Variants in RPS27L observed in about 807,000 individuals in gnomAD.
The protein encoded by RPS27L is ribosomal protein eS27-like.
A neutral mutation model predicts 12.8 loss-of-function variants in RPS27L; 10 were observed. That is an observed-to-expected ratio of 0.78 (90% CI 0.48 to 1.33). The LOEUF (loss-of-function observed/expected upper bound fraction) is 1.33, where lower values mean the gene tolerates loss of function less well. RPS27L is among the 40% of genes most tolerant of loss of function. The pLI is 0.00. For missense variants in RPS27L, 81 were observed against 97.4 expected, an observed-to-expected ratio of 0.83 and a Z score of 0.71; for synonymous variants, 26 against 32.3, an observed-to-expected ratio of 0.81 and a Z score of 0.66.
chr15:63,154,361 T>C (rs922505442), intron 3 of RPS27L: 11 of 308,664 alleles, frequency 3.6e-5, no homozygotes, highest in Non-Finnish European at 5.3e-5. Context: ...TCAGAAGATA[T>C]ACTCTTAATT....
chr15:63,154,103 C>A, intron 3 of RPS27L, 43 bp from the exon 4 acceptor site: 1 of 1,512,540 alleles, frequency 6.6e-7, no homozygotes, highest in Non-Finnish European at 9.1e-7. Flanking sequence ...GTGCATTCTA[C>A]CTTTGCTATA....
rs959503882 is a variant in RPS27L at position 63,151,910 on chromosome 15, C to T, written c.*2122G>A. On this transcript the variant is annotated 3_prime_UTR_variant, in exon 4 of 4. Coordinates refer to ENST00000330964, the MANE Select transcript of RPS27L (RefSeq NM_015920.4). ...AGAAATAAGGACAATGGTGTCCAAT[C>T]TGATTTCAATTTTGAGAAACTGTAT... The T allele has an allele frequency of 2.0e-5, 3 of 152,210 alleles. No homozygotes were observed. The highest frequency in any genetic ancestry group is 4.4e-5 in the Non-Finnish European group (3 of 68,044). 9.4% of individuals were successfully genotyped at this position (152,210 alleles called of 1,614,324 possible).
At position 63,153,788 on chromosome 15, in the gene RPS27L, A is replaced by G; in HGVS notation, c.*244T>C. ...ATTTTAAAATGTTTAAACCAAATTC[A>G]TATACACCATATATATAAATGTATG... is the stretch of plus-strand genomic sequence containing the variant. On this transcript the variant is annotated 3_prime_UTR_variant, in exon 4 of 4. Transcript: ENST00000330964. 2.2e-6 allele frequency: 1 copy of G among 457,404 alleles called. No homozygotes were observed. Among genetic ancestry groups the G allele is most frequent in the Non-Finnish European group, 3.8e-6 (1 of 262,198 alleles). 28.3% of individuals were successfully genotyped at this position (457,404 alleles called of 1,614,324 possible).
chr15:63,157,336 C>A, intron 1 of RPS27L, 64 bp downstream of exon 1: 2 of 1,572,744 alleles, frequency 1.3e-6, no homozygotes, highest in South Asian at 1.1e-5. Context: ...CGGACTCATC[C>A]GTCCCATATG....
chr15:63,156,522 CTGAA>C lies in RPS27L; in HGVS notation c.7-5_7-2del, dbSNP rs1416192643. ...ACGGATGTAGTAAATCTCTAGCCAA[CTGAA>C]CAAAGAAGCATATTATTACTATTAG... On this transcript the variant is annotated splice_acceptor_variant and splice_polypyrimidine_tract_variant and intron_variant, in intron 1 of 3. Transcript: ENST00000330964. LOFTEE classifies it high-confidence loss of function. 2 of 1,568,164 alleles carry C rather than the reference CTGAA, an allele frequency of 1.3e-6. No homozygotes were observed. The highest frequency in any genetic ancestry group is 2.2e-5 in the East Asian group (1 of 44,612).
rs1300016375 is a variant in RPS27L, at chr15:63,152,240, C to T, written c.*1792G>A. 2 of 152,168 alleles carry T rather than the reference C, an allele frequency of 1.3e-5. No homozygotes were observed. The highest frequency in any genetic ancestry group is 2.9e-5 in the Non-Finnish European group (2 of 68,034). The allele number at this position is 152,168 out of a possible 1,614,324, so 9.4% of individuals were successfully genotyped here. A position where few individuals can be genotyped will look rare whatever the true frequency, so the allele number is the denominator to read the frequency against. On this transcript the variant is annotated 3_prime_UTR_variant, in exon 4 of 4. Transcript: ENST00000330964. The stretch of plus-strand genomic sequence containing the variant: ...GTCACAATGAGCTATGACCCTCCAA[C>T]CTGGGCAATAGAGCCAAGACACTGT...
chr15:63,157,329 A>T, intron 1 of RPS27L, 71 bp downstream of exon 1: 1 of 1,543,040 alleles, frequency 6.5e-7, no homozygotes, highest in Non-Finnish European at 9.0e-7. Flanking sequence ...AGGCAGCCGG[A>T]CTCATCCGTC....
In RPS27L at chr15:63,152,393, G is replaced by C. The variant is rs2037305594; in HGVS notation, c.*1639C>G. ...CTGTTAGGTATTTCTTTTGGCCAAGGAATGGCCTGAAAAAAATTACTGAGA... is the reference window on the plus strand; with the variant it reads ...CTGTTAGGTATTTCTTTTGGCCAAGCAATGGCCTGAAAAAAATTACTGAGA... On this transcript the variant is annotated 3_prime_UTR_variant, in exon 4 of 4. Coordinates refer to ENST00000330964, the MANE Select transcript of RPS27L (RefSeq NM_015920.4). 1 of 151,674 alleles carries C rather than the reference G, an allele frequency of 6.6e-6. No individual in the cohort carries two copies. The highest frequency in any genetic ancestry group is 6.6e-5 in the Admixed American group (1 of 15,236). 9.4% of individuals were successfully genotyped at this position (151,674 alleles called of 1,614,324 possible). A position where few individuals can be genotyped will look rare whatever the true frequency, so the allele number is the denominator to read the frequency against.
At chr15:63,156,639 C>T (rs927971711) in intron 1 of RPS27L, 118 bp from the exon 2 acceptor site, 7 of 698,400 alleles carry the variant, frequency 1.0e-5, no homozygotes, top group South Asian at 3.2e-5. Context: ...AGAAGCAACA[C>T]GTCAGATAGT....
chr15:63,148,405 CAT>C lies in RPS27L; in HGVS notation c.*5625_*5626del, dbSNP rs2037278304. 6.7e-6 allele frequency: 1 copy of C among 149,350 alleles called. No individual in the cohort carries two copies. Among genetic ancestry groups the C allele is most frequent in the African/African-American group, 2.5e-5 (1 of 39,864 alleles). 9.3% of individuals were successfully genotyped at this position (149,350 alleles called of 1,614,324 possible). On this transcript the variant is annotated 3_prime_UTR_variant, in exon 4 of 4. Transcript: ENST00000330964. ...ATTAATACAAAGACAAGATAAAGAACATAGAGTCATAATCTTACACAACCCCT... is the reference window on the plus strand; with the variant it reads ...ATTAATACAAAGACAAGATAAAGAACAGAGTCATAATCTTACACAACCCCT...
rs1383389806 is a variant in RPS27L at position 63,151,297 on chromosome 15, G to A, written c.*2735C>T. The stretch of plus-strand genomic sequence containing the variant: ...CACCCAGGCTGAAGTGCAGTGGTGC[G>A]ATTTTGGCTCACTGCAACCTCTGCC... On this transcript the variant is annotated 3_prime_UTR_variant, in exon 4 of 4. Transcript: ENST00000330964. 1 of 152,144 alleles carries A rather than the reference G, an allele frequency of 6.6e-6. No homozygotes were observed. Among genetic ancestry groups the A allele is most frequent in the Non-Finnish European group, 1.5e-5 (1 of 68,056 alleles). The allele number at this position is 152,144 out of a possible 1,614,324, so 9.4% of individuals were successfully genotyped here. A position where few individuals can be genotyped will look rare whatever the true frequency, so the allele number is the denominator to read the frequency against.
Position 63,153,994 on chromosome 15 carries a change from A to T in RPS27L, c.*38T>A. The T allele has an allele frequency of 6.6e-7, 1 of 1,509,266 alleles. No homozygotes were observed. Among genetic ancestry groups the T allele is most frequent in the Non-Finnish European group, 9.2e-7 (1 of 1,092,324 alleles). 93.5% of individuals were successfully genotyped at this position (1,509,266 alleles called of 1,614,324 possible). A position where few individuals can be genotyped will look rare whatever the true frequency, so the allele number is the denominator to read the frequency against. Reference sequence around the variant, plus strand: ...AATTTATGATAAGGCTTTCTGTGAGACAACACAAAATTAAAATTCAGGAAG... The same window carrying T: ...AATTTATGATAAGGCTTTCTGTGAGTCAACACAAAATTAAAATTCAGGAAG... On this transcript the variant is annotated 3_prime_UTR_variant, in exon 4 of 4. Transcript: ENST00000330964.
In RPS27L at chr15:63,157,424, T is replaced by TCAGCCCTACCAGACCTCC. The variant is rs1361265627; in HGVS notation, c.-37_-20dup. 6.2e-7 allele frequency: 1 copy of TCAGCCCTACCAGACCTCC among 1,613,938 alleles called. No homozygotes were observed. Among genetic ancestry groups the TCAGCCCTACCAGACCTCC allele is most frequent in the South Asian group, 1.1e-5 (1 of 91,074 alleles). The stretch of plus-strand genomic sequence containing the variant: ...CAGGCATGTTGATCCTCTTGCAAGC[T>TCAGCCCTACCAGACCTCC]CAGCCCTACCAGACCTCCCAGCCCA... On this transcript the variant is annotated 5_prime_UTR_variant, in exon 1 of 4. Transcript: ENST00000330964.
rs2037277864 is a variant in RPS27L, at chr15:63,148,362, G to T, written c.*5670C>A. 1 of 149,942 alleles carries T rather than the reference G, an allele frequency of 6.7e-6. No individual in the cohort carries two copies. Among genetic ancestry groups the T allele is most frequent in the Non-Finnish European group, 1.5e-5 (1 of 67,736 alleles). The allele number at this position is 149,942 out of a possible 1,614,324, so 9.3% of individuals were successfully genotyped here. On this transcript the variant is annotated 3_prime_UTR_variant, in exon 4 of 4. Transcript: ENST00000330964. Reference sequence around the variant, plus strand: ...TTTTAATTAGTTGGCTACAAATAAAGAAAAAACACAACTTCAAATTAATAC... The same window carrying T: ...TTTTAATTAGTTGGCTACAAATAAATAAAAAACACAACTTCAAATTAATAC...
intron 1 of RPS27L, chr15:63,156,966 C>T: frequency 2.9e-6 from 1 of 347,434 alleles, no homozygotes; most frequent in African/African-American, 2.2e-5. Context: ...TCTTGCTGAG[C>T]GACCGTCCTT....
At position 63,149,883 on chromosome 15, in the gene RPS27L, G is replaced by C. The variant is rs1232614324; in HGVS notation, c.*4149C>G. Reference sequence around the variant, plus strand: ...AGGCAAGGAGTTCAAGACCAGCCTGGGCAACATGGCGAAACCCCATCTCTA... The same window carrying C: ...AGGCAAGGAGTTCAAGACCAGCCTGCGCAACATGGCGAAACCCCATCTCTA... On this transcript the variant is annotated 3_prime_UTR_variant, in exon 4 of 4. Coordinates refer to ENST00000330964, the MANE Select transcript of RPS27L (RefSeq NM_015920.4). The C allele has an allele frequency of 1.3e-5, 2 of 152,158 alleles. No homozygotes were observed. The highest frequency in any genetic ancestry group is 4.8e-5 in the African/African-American group (2 of 41,386). 9.4% of individuals were successfully genotyped at this position (152,158 alleles called of 1,614,324 possible). A position where few individuals can be genotyped will look rare whatever the true frequency, so the allele number is the denominator to read the frequency against.
At position 63,157,437 on chromosome 15, in the gene RPS27L, A is replaced by G. The variant is rs1188424398; in HGVS notation, c.-32T>C. The G allele has an allele frequency of 2.5e-6, 4 of 1,613,086 alleles. No individual in the cohort carries two copies. The highest frequency in any genetic ancestry group is 8.5e-7 in the Non-Finnish European group (1 of 1,179,588). On this transcript the variant is annotated 5_prime_UTR_variant, in exon 1 of 4. Transcript: ENST00000330964. ...CCTCTTGCAAGCTCAGCCCTACCAG[A>G]CCTCCCAGCCCACACAGCTAGCAAG...
chr15:63,155,423 AAAAT>A (rs1281117700), intron 3 of RPS27L, 194 bp downstream of exon 3: 2 of 416,524 alleles, frequency 4.8e-6, no homozygotes, highest in East Asian at 3.5e-5. Context: ...TAAACTAAGA[AAAAT>A]AAGTCAATGG....
chr15:63,156,594 T>C (rs1478949416), intron 1 of RPS27L, 73 bp from the exon 2 acceptor site: 4 of 915,134 alleles, frequency 4.4e-6, no homozygotes, highest in Admixed American at 2.1e-5. Context: ...ACGTGAAATA[T>C]ACATGCAAAA....
Sources: allele counts gnomAD v4.1 joint callset, GRCh38; gene constraint gnomAD v4.1.1; transcripts MANE v1.5; gene names NCBI Gene and HGNC (gene_info 2026-07-23, HGNC 2026-07-21).